The following TRAK1 variants were observed in gnomAD, a reference collection of about 807,000 sequenced individuals.
TRAK1 encodes trafficking kinesin-binding protein 1.
Under a neutral mutation model 92.1 loss-of-function variants are expected in TRAK1, and 33 were observed. That is an observed-to-expected ratio of 0.36 (90% CI 0.27 to 0.48). TRAK1 has a LOEUF of 0.48. Ranked by LOEUF, TRAK1 falls within the 20% of genes least tolerant of loss-of-function variation. The pLI, the probability that TRAK1 is intolerant of heterozygous loss-of-function variation, is 0.99. For missense variants in TRAK1, 1,123 were observed against 1,257.9 expected, an observed-to-expected ratio of 0.89 and a Z score of 1.62; for synonymous variants, 521 against 517.3, an observed-to-expected ratio of 1.01 and a Z score of -0.10.
At chr3:42,078,769 AAAAGAAAG>A (rs1553709701) in intron 1 of TRAK1, among the ~76,000 whole-genome samples, 8 of 144,482 alleles carry the variant, frequency 5.5e-5, no homozygotes, top group African/African-American at 7.6e-5. Context: ...AAAAAAAAAA[AAAAGAAAG>A]AAAGAAAGAA....
chr3:42,175,696 C>A (rs1030486705), intron 2 of TRAK1, among the ~76,000 whole-genome samples: 5 of 152,154 alleles, frequency 3.3e-5, no homozygotes, highest in African/African-American at 1.2e-4. Context: ...TATTCAGAGA[C>A]CTATTGAATT....
chr3:42,130,737 A>G (rs1297497584), intron 2 of TRAK1, among the ~76,000 whole-genome samples: 1 of 152,132 alleles, frequency 6.6e-6, no homozygotes, highest in African/African-American at 2.4e-5. Context: ...GAACCTGCAT[A>G]TTAAACCAGC....
At chr3:42,019,352 T>C (rs1409506407) in intron 1 of TRAK1, among the ~76,000 whole-genome samples, 2 of 152,188 alleles carry the variant, frequency 1.3e-5, no homozygotes, top group Non-Finnish European at 2.9e-5. Context: ...CATAGCTCAC[T>C]GTAACCTTGA....
At chr3:42,051,740 C>T (rs1464556677) in intron 1 of TRAK1, 1 of 152,194 alleles carries the variant, frequency 6.6e-6, no homozygotes, top group African/African-American at 2.4e-5. Flanking sequence ...GCTACTTGCA[C>T]TTGAATGAGC....
intron 3 of TRAK1, among the ~76,000 whole-genome samples, chr3:42,177,247 TTTAAG>T (rs1266579326): frequency 3.9e-5 from 6 of 152,244 alleles, no homozygotes; most frequent in African/African-American, 7.2e-5. Context: ...TCCTAATGTA[TTTAAG>T]TTTTTACTTA....
chr3:42,024,066 T>G (rs911455709), intron 1 of TRAK1, among the ~76,000 whole-genome samples: 1 of 152,004 alleles, frequency 6.6e-6, no homozygotes, highest in African/African-American at 2.4e-5. Context: ...CTCCTGAGAT[T>G]TCTAAGTGGA....
At chr3:42,124,524 T>C (rs1041504270) in intron 1 of TRAK1, among the ~76,000 whole-genome samples, 2 of 152,230 alleles carry the variant, frequency 1.3e-5, no homozygotes, top group African/African-American at 2.4e-5. Context: ...TTTAAAGGCC[T>C]GCATTAATGT....
chr3:42,217,193 CT>C (rs777448910), intron 14 of TRAK1: 3 of 974,668 alleles, frequency 3.1e-6, no homozygotes, highest in Non-Finnish European at 3.7e-6. Flanking sequence ...TGAGGAGCCT[CT>C]GATGATCCCA....
chr3:42,173,386 G>C (rs535999921), intron 2 of TRAK1, among the ~76,000 whole-genome samples: 5 of 152,164 alleles, frequency 3.3e-5, no homozygotes, highest in Non-Finnish European at 7.3e-5. Context: ...TATGCTGTCT[G>C]AAGGCATGGT....
chr3:42,026,199 G>T (rs1165833217), intron 1 of TRAK1, among the ~76,000 whole-genome samples: 2 of 152,170 alleles, frequency 1.3e-5, no homozygotes, highest in African/African-American at 4.8e-5. Flanking sequence ...AGAGGCACAT[G>T]AAGAAAGTTT....
At chr3:42,035,960 A>G (rs1051369411) in intron 1 of TRAK1, among the ~76,000 whole-genome samples, 3 of 152,146 alleles carry the variant, frequency 2.0e-5, no homozygotes, top group African/African-American at 7.2e-5. Flanking sequence ...CAGTCTAGGT[A>G]TTTCCTGCTC....
chr3:42,141,105 T>C (rs1370407876), intron 2 of TRAK1, among the ~76,000 whole-genome samples: 4 of 152,334 alleles, frequency 2.6e-5, no homozygotes, highest in Non-Finnish European at 5.9e-5. Context: ...ATTTATATAC[T>C]TTATTGCTCA....
intron 1 of TRAK1, among the ~76,000 whole-genome samples, chr3:42,099,249 C>T (rs948275288): frequency 1.5e-4 from 23 of 151,914 alleles, no homozygotes; most frequent in East Asian, 1.2e-3. Flanking sequence ...TCTACCGGGG[C>T]GGAGTTGCTG....
intron 1 of TRAK1, among the ~76,000 whole-genome samples, chr3:42,075,569 T>C (rs1704119919): frequency 6.6e-6 from 1 of 152,236 alleles, no homozygotes; most frequent in African/African-American, 2.4e-5. Flanking sequence ...TCCAGACTGC[T>C]TTCCACTGAG....
intron 1 of TRAK1, among the ~76,000 whole-genome samples, chr3:42,061,754 A>G (rs776840865): frequency 1.3e-5 from 2 of 152,190 alleles, no homozygotes; most frequent in Non-Finnish European, 2.9e-5. Flanking sequence ...CACCAACAAT[A>G]TATACCAGTT....
In TRAK1 at chr3:42,200,932, C is replaced by G; in HGVS notation, c.1305C>G (p.Asn435Lys). Reference protein sequence around the residue: ...IPGSNQSSAMNSLLSSCVSTP... With the variant: ...IPGSNQSSAMKSLLSSCVSTP... The stretch of plus-strand genomic sequence containing the variant: ...GCTCCAACCAGTCCTCGGCCATGAA[C>G]TCCCTCCTGTCCAGCTGCGTCAGCA... The change falls in exon 12 of 16, where the codon AAC becomes AAG. Residue 435 changes from asparagine (N) to lysine (K), a missense_variant. Asn to Lys is a moderately conservative substitution (Grantham distance 94). Coordinates refer to ENST00000327628, the MANE Select transcript of TRAK1 (RefSeq NM_001042646.3). 1 of 1,614,228 alleles carries G rather than the reference C, an allele frequency of 6.2e-7. No homozygotes were observed. Among genetic ancestry groups the G allele is most frequent in the Non-Finnish European group, 8.5e-7 (1 of 1,180,044 alleles).
chr3:42,145,211 G>A (rs988858074), intron 2 of TRAK1, among the ~76,000 whole-genome samples: 2 of 152,206 alleles, frequency 1.3e-5, no homozygotes, highest in African/African-American at 2.4e-5. Flanking sequence ...GGAGCCAACC[G>A]TGGTGGCCCA....
intron 1 of TRAK1, among the ~76,000 whole-genome samples, chr3:42,122,070 A>G (rs988419118): frequency 6.6e-6 from 1 of 151,452 alleles, no homozygotes; most frequent in Non-Finnish European, 1.5e-5. Flanking sequence ...CACCAGCCTC[A>G]GCCTCCCAAA....
Position 42,193,790 on chromosome 3 carries a change from T to C in TRAK1, c.901-34T>C, listed in dbSNP as rs769059839. ...GAAAAAGTTGGACTTTTACCAAGTATCTTAGGAAGTGATCTATCTTTGCCA... is the reference window on the plus strand; with the variant it reads ...GAAAAAGTTGGACTTTTACCAAGTACCTTAGGAAGTGATCTATCTTTGCCA... On this transcript the variant is annotated intron_variant, in intron 8 of 15. Transcript: ENST00000327628. The C allele has an allele frequency of 4.8e-6, 6 of 1,241,566 alleles. No individual in the cohort carries two copies. In the South Asian group the frequency reaches 6.8e-5, roughly 14 times the overall value. The allele number at this position is 1,241,566 out of a possible 1,614,324, so 76.9% of individuals were successfully genotyped here.
Sources: gnomAD v4.1 joint callset for allele counts (sites outside exome capture counted in the v4.1 genomes callset) on GRCh38, gnomAD v4.1.1 for gene constraint, MANE v1.5 for transcripts, NCBI Gene and HGNC (gene_info 2026-07-23, HGNC 2026-07-21) for gene names.